Variants in VWC2 observed in about 807,000 individuals in gnomAD.
VWC2 encodes von Willebrand factor C domain containing 2.
A neutral mutation model predicts 29.8 loss-of-function variants in VWC2; 14 were observed. That is an observed-to-expected ratio of 0.47 (90% CI 0.31 to 0.74). The LOEUF (loss-of-function observed/expected upper bound fraction) is 0.74. Ranked by LOEUF, VWC2 falls within the 30% of genes least tolerant of loss-of-function variation. The pLI is 0.05. For synonymous variants in VWC2, 213 were observed against 199.0 expected (o/e 1.07, Z -0.59); for missense variants, 457 against 459.8 (o/e 0.99, Z 0.05).
intron 3 of VWC2, among the ~76,000 whole-genome samples, chr7:49,890,638 G>A (rs1792086947): frequency 6.6e-6 from 1 of 151,900 alleles, no homozygotes. Flanking sequence ...GCTACTTTTA[G>A]CCATGATGGA....
intron 2 of VWC2, among the ~76,000 whole-genome samples, chr7:49,783,722 C>T (rs1347630165): frequency 6.6e-6 from 1 of 152,094 alleles, no homozygotes; most frequent in Non-Finnish European, 1.5e-5. Context: ...CTCTCAGAAG[C>T]CTTAGGCCTG....
At chr7:49,775,049 C>A (rs1273010962) in intron 1 of VWC2, among the ~76,000 whole-genome samples, 1 of 151,992 alleles carries the variant, frequency 6.6e-6, no homozygotes, top group Admixed American at 6.5e-5. Flanking sequence ...TGGCTCGCTG[C>A]GTTCCCTGGG....
chr7:49,794,680 T>C (rs1418303939), intron 2 of VWC2, among the ~76,000 whole-genome samples: 1 of 152,214 alleles, frequency 6.6e-6, no homozygotes, highest in Non-Finnish European at 1.5e-5. Context: ...TTCCCTGGGG[T>C]ATACAGGCTG....
chr7:49,837,077 T>G (rs1397966644), intron 3 of VWC2, among the ~76,000 whole-genome samples: 2 of 152,242 alleles, frequency 1.3e-5, no homozygotes, highest in Admixed American at 6.5e-5. Context: ...GATGATCATA[T>G]GTGGCAACTA....
At chr7:49,776,153 G>C in intron 2 of VWC2, 22 bp downstream of exon 2, 1 of 1,489,516 alleles carries the variant, frequency 6.7e-7, no homozygotes, top group Non-Finnish European at 8.9e-7. Flanking sequence ...ACGCCCGCCG[G>C]GCGACTTTGC....
At chr7:49,874,332 A>G (rs1402881190) in intron 3 of VWC2, among the ~76,000 whole-genome samples, 1 of 152,192 alleles carries the variant, frequency 6.6e-6, no homozygotes, top group Admixed American at 6.5e-5. Flanking sequence ...AATCTTTACC[A>G]TTGTGTAACA....
intron 3 of VWC2, among the ~76,000 whole-genome samples, chr7:49,906,164 C>A (rs1793076662): frequency 6.6e-6 from 1 of 152,156 alleles, no homozygotes; most frequent in African/African-American, 2.4e-5. Flanking sequence ...TTTCACTTTA[C>A]TCTATGGACT....
chr7:49,823,064 G>A (rs1365576493), intron 3 of VWC2, among the ~76,000 whole-genome samples: 5 of 152,186 alleles, frequency 3.3e-5, no homozygotes, highest in East Asian at 3.9e-4. Flanking sequence ...GTTTTACTTC[G>A]TAAGAAACTG....
intron 2 of VWC2, among the ~76,000 whole-genome samples, chr7:49,801,805 G>A (rs1318925598): frequency 6.6e-6 from 1 of 152,264 alleles, no homozygotes; most frequent in Non-Finnish European, 1.5e-5. Flanking sequence ...TTTCCTGTTA[G>A]TACAAAGGGT....
chr7:49,909,875 G>A (rs925525818), intron 3 of VWC2, among the ~76,000 whole-genome samples: 3 of 152,082 alleles, frequency 2.0e-5, no homozygotes, highest in Admixed American at 6.5e-5. Context: ...AGGTCAAGGC[G>A]GGAGGATCTC....
intron 2 of VWC2, among the ~76,000 whole-genome samples, chr7:49,786,729 A>T (rs903815414): frequency 6.6e-6 from 1 of 152,050 alleles, no homozygotes; most frequent in African/African-American, 2.4e-5. Flanking sequence ...TTGTCTGATG[A>T]TCAGTGATGT....
chr7:49,839,790 A>G (rs1789750511), intron 3 of VWC2, among the ~76,000 whole-genome samples: 1 of 152,220 alleles, frequency 6.6e-6, no homozygotes, highest in African/African-American at 2.4e-5. Flanking sequence ...GGCCTTTGAC[A>G]TGAACTCAAG....
At chr7:49,896,263 C>A (rs542199636) in intron 3 of VWC2, among the ~76,000 whole-genome samples, 8 of 152,282 alleles carry the variant, frequency 5.3e-5, no homozygotes, top group African/African-American at 1.9e-4. Flanking sequence ...ATCGCTTGAA[C>A]CCAGAAGGTG....
intron 2 of VWC2, among the ~76,000 whole-genome samples, chr7:49,794,166 C>T (rs906610683): frequency 1.3e-5 from 2 of 152,202 alleles, no homozygotes; most frequent in Non-Finnish European, 2.9e-5. Flanking sequence ...AACCAAAGCC[C>T]TTTTGCCCAT....
chr7:49,878,521 A>C (rs1366269466), intron 3 of VWC2, among the ~76,000 whole-genome samples: 1 of 152,136 alleles, frequency 6.6e-6, no homozygotes, highest in Non-Finnish European at 1.5e-5. Context: ...AAAACTCTGA[A>C]GGTATTTTTT....
chr7:49,865,046 G>T (rs1352281195), intron 3 of VWC2, among the ~76,000 whole-genome samples: 2 of 152,160 alleles, frequency 1.3e-5, no homozygotes, highest in Non-Finnish European at 2.9e-5. Context: ...TATTCTTAAA[G>T]ATCTTATTTT....
chr7:49,851,585 C>A (rs1021258925), intron 3 of VWC2, among the ~76,000 whole-genome samples: 29 of 152,206 alleles, frequency 1.9e-4, no homozygotes, highest in Non-Finnish European at 4.1e-4. Context: ...ACAGGCCAGG[C>A]GTGGTGGCTC....
chr7:49,825,029 T>C (rs1789361492), intron 3 of VWC2, among the ~76,000 whole-genome samples: 2 of 152,198 alleles, frequency 1.3e-5, no homozygotes, highest in South Asian at 4.1e-4. Context: ...AGGATTTGTT[T>C]ATTTTCCCTG....
At chr7:49,855,270 T>C (rs1317769802) in intron 3 of VWC2, among the ~76,000 whole-genome samples, 1 of 152,184 alleles carries the variant, frequency 6.6e-6, no homozygotes, top group Non-Finnish European at 1.5e-5. Context: ...CACTGGGTCA[T>C]AGTTTATGGA....
Sources: gnomAD v4.1 joint callset for allele counts (sites outside exome capture counted in the v4.1 genomes callset) on GRCh38, gnomAD v4.1.1 for gene constraint, MANE v1.5 for transcripts, NCBI Gene and HGNC (gene_info 2026-07-23, HGNC 2026-07-21) for gene names.